The following MAST4 variants were observed in gnomAD, a reference collection of about 807,000 sequenced individuals.
MAST4 encodes microtubule-associated serine/threonine-protein kinase 4.
A neutral mutation model predicts 162.7 loss-of-function variants in MAST4; 89 were observed. The ratio of observed to expected loss-of-function variants is 0.55; its 90% CI spans 0.46 to 0.65. The LOEUF (loss-of-function observed/expected upper bound fraction) is 0.65. Among genes scored for constraint, MAST4 ranks in the 30% least tolerant of loss-of-function variants. The pLI is 0.00. For missense variants in MAST4, 3,153 were observed against 3,374.0 expected (o/e 0.93, Z 1.62); for synonymous variants, 1,479 against 1,361.1 (o/e 1.09, Z -1.91).
chr5:66,756,697 C>T (rs1051183381), intron 1 of MAST4, among the ~76,000 whole-genome samples: 4 of 152,156 alleles, frequency 2.6e-5, no homozygotes, highest in East Asian at 1.9e-4. Context: ...TGCAGTGGAC[C>T]GTTTTGAGAA....
intron 5 of MAST4, among the ~76,000 whole-genome samples, chr5:67,071,807 A>G (rs1761037567): frequency 6.6e-6 from 1 of 152,218 alleles, no homozygotes; most frequent in South Asian, 2.1e-4. Context: ...ATTAAAATGA[A>G]CTTAAATTGG....
chr5:67,093,664 T>C (rs1207221603), intron 6 of MAST4: 1 of 461,296 alleles, frequency 2.2e-6, no homozygotes, highest in Non-Finnish European at 4.4e-6. Context: ...TCAGAACTAA[T>C]AAGAACATGT....
chr5:67,064,241 G>A (rs571810328), intron 5 of MAST4, among the ~76,000 whole-genome samples: 1 of 152,278 alleles, frequency 6.6e-6, no homozygotes, highest in Non-Finnish European at 1.5e-5. Context: ...AGGAGACTGA[G>A]AAGCAGAAAC....
intron 10 of MAST4, among the ~76,000 whole-genome samples, chr5:67,108,575 G>A (rs1054338891): frequency 1.3e-5 from 2 of 152,096 alleles, no homozygotes; most frequent in African/African-American, 4.8e-5. Context: ...AGGACCTGTC[G>A]TTATAGTTAC....
chr5:66,893,454 C>G (rs1241538267), intron 3 of MAST4, among the ~76,000 whole-genome samples: 1 of 151,970 alleles, frequency 6.6e-6, no homozygotes, highest in African/African-American at 2.4e-5. Context: ...TCTCGAACTC[C>G]TGACCTCAAG....
intron 1 of MAST4, among the ~76,000 whole-genome samples, chr5:66,692,173 G>A (rs904925749): frequency 2.0e-5 from 3 of 151,986 alleles, no homozygotes; most frequent in Non-Finnish European, 4.4e-5. Context: ...TCTGTCTCTC[G>A]CTCGCTTGCT....
At position 67,144,675 on chromosome 5, in the gene MAST4, A is replaced by G; in HGVS notation, c.2737A>G (p.Ser913Gly). Residue 913 changes from serine to glycine, a missense_variant, in exon 22 of 29, where the codon AGC (serine) becomes GGC (glycine). This residue lies in a region of MAST4 where 619 missense variants were observed against 744.2 expected (regional missense o/e 0.83). Coordinates refer to ENST00000403625, the MANE Select transcript of MAST4 (RefSeq NM_001164664.2). ...CCAATTATTTGCCTTCCAGGTTTTC[A>G]GCAGTATAGATCGAATCACTCAGAA... ...SCSHRFSKVF[S>G]SIDRITQNSA... The G allele has an allele frequency of 6.2e-7, 1 of 1,613,772 alleles. No homozygotes were observed. The highest frequency in any genetic ancestry group is 8.5e-7 in the Non-Finnish European group (1 of 1,179,774).
Position 67,100,563 on chromosome 5 carries a change from G to A in MAST4, c.1041G>A (p.Thr347=), listed in dbSNP as rs375356151. The A allele has an allele frequency of 1.5e-4, 237 of 1,613,638 alleles. No individual in the cohort carries two copies. Among genetic ancestry groups the A allele is most frequent in the East Asian group, 1.8e-4 (8 of 44,880 alleles). Residue 347 remains threonine, a synonymous_variant, in exon 8 of 29, where the codon ACG becomes ACA. Transcript: ENST00000403625. ...SIATENRCRN[T]PMRPRSRSLS... is the part of the protein sequence containing the mutation. ...CCACTGAGAACAGATGCAGGAACAC[G>A]CCGATGCGCCCCCGTTCCCGAAGTC...
At chr5:66,736,833 G>C (rs1752182356) in intron 1 of MAST4, among the ~76,000 whole-genome samples, 1 of 152,194 alleles carries the variant, frequency 6.6e-6, no homozygotes, top group African/African-American at 2.4e-5. Flanking sequence ...TAGCAGTGAA[G>C]GGTACTACTC....
rs373313338 is a variant in MAST4 at position 67,090,281 on chromosome 5, A to G, written c.833+50A>G. On this transcript the variant is annotated intron_variant, in intron 6 of 28. Transcript: ENST00000403625. ...CATAAGGTCTTATAGAGAGAATCCCATTTTCCTCTCCCTCTCCCCACTTCT... is the reference window on the plus strand; with the variant it reads ...CATAAGGTCTTATAGAGAGAATCCCGTTTTCCTCTCCCTCTCCCCACTTCT... 13 of 1,391,302 alleles carry G rather than the reference A, an allele frequency of 9.3e-6. No individual in the cohort carries two copies. In the East Asian group the frequency reaches 2.4e-4, roughly 26 times the overall value. The allele number at this position is 1,391,302 out of a possible 1,614,324, so 86.2% of individuals were successfully genotyped here. A position where few individuals can be genotyped will look rare whatever the true frequency, so the allele number is the denominator to read the frequency against.
intron 4 of MAST4, among the ~76,000 whole-genome samples, chr5:67,043,408 G>A (rs1230818855): frequency 2.6e-5 from 4 of 152,050 alleles, no homozygotes; most frequent in Admixed American, 2.6e-4. Flanking sequence ...AATGCAATTG[G>A]GACATGAGGT....
At chr5:67,033,860 T>C (rs1231993303) in intron 4 of MAST4, among the ~76,000 whole-genome samples, 1 of 152,188 alleles carries the variant, frequency 6.6e-6, no homozygotes, top group Non-Finnish European at 1.5e-5. Flanking sequence ...TGAATCCGCA[T>C]CTACGTATGC....
chr5:66,903,284 A>T (rs988051656), intron 4 of MAST4, among the ~76,000 whole-genome samples: 1 of 152,170 alleles, frequency 6.6e-6, no homozygotes, highest in East Asian at 1.9e-4. Flanking sequence ...GGGTGTTTAT[A>T]TTATAGCCAC....
chr5:67,090,262 G>A (rs753321050), intron 6 of MAST4, 31 bp downstream of exon 6: 3 of 1,551,024 alleles, frequency 1.9e-6, no homozygotes, highest in East Asian at 4.5e-5. Context: ...GAGGCATAAG[G>A]TCTTATAGAG....
chr5:67,092,627 A>G (rs1292457517), intron 6 of MAST4, among the ~76,000 whole-genome samples: 1 of 152,170 alleles, frequency 6.6e-6, no homozygotes, highest in East Asian at 1.9e-4. Flanking sequence ...AAGTTTATGT[A>G]TTGCAGACTG....
intron 3 of MAST4, among the ~76,000 whole-genome samples, chr5:66,891,785 G>C (rs1762380212): frequency 1.3e-5 from 2 of 152,184 alleles, no homozygotes; most frequent in South Asian, 2.1e-4. Flanking sequence ...CTCAAGTATT[G>C]TGTCACTTAG....
chr5:67,055,915 TG>T (rs1367407738), intron 5 of MAST4, among the ~76,000 whole-genome samples: 2 of 151,926 alleles, frequency 1.3e-5, no homozygotes, highest in African/African-American at 4.8e-5. Context: ...AATATATTGT[TG>T]GACAACAAAA....
chr5:66,649,018 G>A (rs1235497753), intron 1 of MAST4, among the ~76,000 whole-genome samples: 2 of 152,132 alleles, frequency 1.3e-5, no homozygotes, highest in African/African-American at 2.4e-5. Context: ...AGTAATAGGT[G>A]TATGCTTTAG....
chr5:66,857,183 C>A (rs868841586), intron 3 of MAST4, among the ~76,000 whole-genome samples: 1 of 152,264 alleles, frequency 6.6e-6, no homozygotes, highest in Middle Eastern at 3.4e-3. Flanking sequence ...TTTTTCCCCA[C>A]TCAGAATAGA....
Sources: allele counts gnomAD v4.1 joint callset (sites outside exome capture counted in the v4.1 genomes callset), GRCh38; gene constraint gnomAD v4.1.1; regional missense constraint gnomAD v4.1.1; transcripts MANE v1.5; gene names NCBI Gene and HGNC (gene_info 2026-07-23, HGNC 2026-07-21).